The following ROBO1 variants were observed in gnomAD, a reference collection of about 807,000 sequenced individuals.
The protein encoded by ROBO1 is roundabout guidance receptor 1.
In ROBO1, 149 loss-of-function variants were observed where a neutral mutation model predicts 195.9. That is an observed-to-expected ratio of 0.76 (90% CI 0.67 to 0.87). The LOEUF is 0.87. Ranked by LOEUF, ROBO1 falls within the 40% of genes least tolerant of loss-of-function variation. The pLI is 0.00. For synonymous variants in ROBO1, 816 were observed against 733.2 expected, an observed-to-expected ratio of 1.11 and a Z score of -1.82; for missense variants, 1,933 against 2,068.3, an observed-to-expected ratio of 0.93 and a Z score of 1.27.
At chr3:79,617,418 G>A (rs1475517887) in intron 1 of ROBO1, among the ~76,000 whole-genome samples, 4 of 152,050 alleles carry the variant, frequency 2.6e-5, no homozygotes, top group Non-Finnish European at 4.4e-5. Context: ...ATACATTGTT[G>A]CAAATGTCAG....
chr3:78,760,410 T>C (rs1036034227), intron 4 of ROBO1, among the ~76,000 whole-genome samples: 8 of 152,166 alleles, frequency 5.3e-5, no homozygotes, highest in Non-Finnish European at 1.2e-4. Flanking sequence ...CTCATACCTG[T>C]AATCCCTGCA....
intron 3 of ROBO1, among the ~76,000 whole-genome samples, chr3:79,058,950 A>C (rs2078863554): frequency 6.6e-6 from 1 of 152,096 alleles, no homozygotes; most frequent in Non-Finnish European, 1.5e-5. Flanking sequence ...ATCTATTCAC[A>C]TGGCTCATTT....
At chr3:78,610,400 T>C (rs7633253) in intron 28 of ROBO1, among the ~76,000 whole-genome samples, 93,685 of 151,948 alleles carry the variant, frequency 0.62, 29,609 homozygotes, top group Middle Eastern at 0.74. Flanking sequence ...GGAAGAATGA[T>C]TTTAAGTTCA....
chr3:79,059,765 T>A (rs1385136346), intron 3 of ROBO1, among the ~76,000 whole-genome samples: 1 of 152,086 alleles, frequency 6.6e-6, no homozygotes, highest in Admixed American at 6.6e-5. Flanking sequence ...TCCCCTCATC[T>A]TCCTAAACTG....
At chr3:79,577,717 A>ACACACACACACACAC (rs1943533321) in intron 2 of ROBO1, among the ~76,000 whole-genome samples, 2 of 140,720 alleles carry the variant, frequency 1.4e-5, no homozygotes, top group African/African-American at 5.2e-5. Flanking sequence ...CTTTACTAAA[A>ACACACACACACACAC]ACACACACAC....
chr3:79,348,880 G>A (rs1412441895), intron 2 of ROBO1, among the ~76,000 whole-genome samples: 1 of 152,032 alleles, frequency 6.6e-6, no homozygotes, highest in African/African-American at 2.4e-5. Flanking sequence ...CTCCAAAATA[G>A]GCCTGATTAT....
At chr3:78,728,755 C>G (rs2082221424) in intron 5 of ROBO1, among the ~76,000 whole-genome samples, 1 of 152,256 alleles carries the variant, frequency 6.6e-6, no homozygotes, top group South Asian at 2.1e-4. Flanking sequence ...TGAAGAAAAG[C>G]CATAACTTGT....
chr3:79,042,406 C>T (rs2108336681), intron 3 of ROBO1, among the ~76,000 whole-genome samples: 1 of 152,194 alleles, frequency 6.6e-6, no homozygotes, highest in East Asian at 1.9e-4. Context: ...GGTAAATATT[C>T]CGATGGCGGT....
intron 3 of ROBO1, among the ~76,000 whole-genome samples, chr3:79,099,907 G>T (rs552515205): frequency 6.6e-6 from 1 of 151,788 alleles, no homozygotes; most frequent in African/African-American, 2.4e-5. Flanking sequence ...ATCCTCTGCA[G>T]AGGCCAGGGA....
chr3:79,722,781 A>G (rs963780678), intron 1 of ROBO1, among the ~76,000 whole-genome samples: 1 of 152,140 alleles, frequency 6.6e-6, no homozygotes, highest in African/African-American at 2.4e-5. Context: ...TGGCTTATAT[A>G]TACTAGTTAC....
At chr3:79,453,477 C>T (rs1240738639) in intron 2 of ROBO1, among the ~76,000 whole-genome samples, 2 of 151,910 alleles carry the variant, frequency 1.3e-5, no homozygotes, top group East Asian at 3.9e-4. Context: ...AGACAAAATC[C>T]TAGGGGTTAT....
chr3:79,359,629 C>T (rs1485207946), intron 2 of ROBO1, among the ~76,000 whole-genome samples: 1 of 151,902 alleles, frequency 6.6e-6, no homozygotes, highest in Non-Finnish European at 1.5e-5. Flanking sequence ...ATTATTTGTT[C>T]AATCTATCCA....
chr3:78,961,683 T>G (rs936038878), intron 3 of ROBO1, among the ~76,000 whole-genome samples: 3 of 152,184 alleles, frequency 2.0e-5, no homozygotes, highest in African/African-American at 7.2e-5. Flanking sequence ...ATATTCAGAC[T>G]CCTACAGTCT....
At chr3:79,250,540 C>A (rs1469914554) in intron 2 of ROBO1, among the ~76,000 whole-genome samples, 1 of 151,678 alleles carries the variant, frequency 6.6e-6, no homozygotes, top group Admixed American at 6.6e-5. Context: ...TCTGGCTGTA[C>A]GTTTGAAAAT....
At position 79,222,014 on chromosome 3, in the gene ROBO1, G is replaced by A. The variant is rs769604238; in HGVS notation, c.89-96475C>T. ...AGCTGACAAAATCTGGGGGGCTTTC[G>A]ATAGTGTGGCAAGTATTTCTTAAAT... On this transcript the variant is annotated intron_variant, in intron 2 of 30. Transcript: ENST00000464233. 6.1e-4 allele frequency among the ~76,000 whole-genome samples: 92 copies of A among 151,858 alleles called. 1 individual carries two copies. The highest frequency in any genetic ancestry group is 2.0e-4 in the Admixed American group (3 of 15,196).
At chr3:79,277,613 T>A (rs1337783700) in intron 2 of ROBO1, among the ~76,000 whole-genome samples, 1 of 151,976 alleles carries the variant, frequency 6.6e-6, no homozygotes, top group Non-Finnish European at 1.5e-5. Flanking sequence ...TAAAAATAAT[T>A]AAGAGTATAA....
chr3:79,745,241 A>G (rs1439388595), intron 1 of ROBO1, among the ~76,000 whole-genome samples: 2 of 152,202 alleles, frequency 1.3e-5, no homozygotes, highest in Non-Finnish European at 2.9e-5. Flanking sequence ...CTTCAACAGC[A>G]GCATTGGTAT....
At chr3:79,126,266 G>A (rs776169096) in intron 2 of ROBO1, among the ~76,000 whole-genome samples, 22 of 152,110 alleles carry the variant, frequency 1.4e-4, no homozygotes, top group Non-Finnish European at 2.8e-4. Context: ...TCCAAATTCC[G>A]TATAAGTATT....
intron 1 of ROBO1, among the ~76,000 whole-genome samples, chr3:79,624,058 A>C (rs1945092041): frequency 6.6e-6 from 1 of 152,212 alleles, no homozygotes; most frequent in Non-Finnish European, 1.5e-5. Context: ...TTCTTAAAGA[A>C]AATAATTTTC....
Sources: gnomAD v4.1 joint callset for allele counts (sites outside exome capture counted in the v4.1 genomes callset) on GRCh38, gnomAD v4.1.1 for gene constraint, MANE v1.5 for transcripts, NCBI Gene and HGNC (gene_info 2026-07-23, HGNC 2026-07-21) for gene names.